Variants in GRM3 observed in about 807,000 individuals in gnomAD.
The protein encoded by GRM3 is metabotropic glutamate receptor 3.
A neutral mutation model predicts 70.5 loss-of-function variants in GRM3; 26 were observed. The observed-to-expected ratio is 0.37, with a 90% CI of 0.27 to 0.51. GRM3 has a LOEUF of 0.51. Ranked by LOEUF, GRM3 falls within the 20% of genes least tolerant of loss-of-function variation. The pLI is 0.93. For missense variants in GRM3, 859 were observed against 1,123.8 expected, an observed-to-expected ratio of 0.76 and a Z score of 3.37; for synonymous variants, 443 against 434.9, an observed-to-expected ratio of 1.02 and a Z score of -0.23.
chr7:86,747,733 T>G (rs1399097635), intron 1 of GRM3, among the ~76,000 whole-genome samples: 1 of 152,106 alleles, frequency 6.6e-6, no homozygotes, highest in Admixed American at 6.6e-5. Flanking sequence ...ACCAACAGAG[T>G]AAATGTAACT....
At chr7:86,843,844 A>G (rs1798604058) in intron 4 of GRM3, among the ~76,000 whole-genome samples, 1 of 152,174 alleles carries the variant, frequency 6.6e-6, no homozygotes, top group Non-Finnish European at 1.5e-5. Context: ...GAATGCTGTA[A>G]TGAGATTTTT....
chr7:86,749,383 C>T (rs759342056), intron 1 of GRM3, among the ~76,000 whole-genome samples: 2 of 152,042 alleles, frequency 1.3e-5, no homozygotes, highest in Non-Finnish European at 2.9e-5. Context: ...ATTTTGGCTA[C>T]ATTTCGCAGG....
chr7:86,794,402 A>G (rs1160388431), intron 3 of GRM3, among the ~76,000 whole-genome samples: 1 of 152,216 alleles, frequency 6.6e-6, no homozygotes, highest in Non-Finnish European at 1.5e-5. Flanking sequence ...ACTTCAAACA[A>G]TTATACTGTT....
intron 4 of GRM3, among the ~76,000 whole-genome samples, chr7:86,847,993 CA>C (rs1798688119): frequency 6.6e-6 from 1 of 152,142 alleles, no homozygotes; most frequent in East Asian, 1.9e-4. Context: ...CAAGGGTAAT[CA>C]TCCCCCACCT....
chr7:86,852,609 T>A (rs528742831), intron 5 of GRM3, among the ~76,000 whole-genome samples: 38 of 152,172 alleles, frequency 2.5e-4, no homozygotes, highest in African/African-American at 7.7e-4. Context: ...AACTTTTTTT[T>A]AAAAAAGGTC....
rs562433710 is a variant in GRM3, at chr7:86,711,223, T to C, written c.-140-53783T>C. 3.3e-5 allele frequency among the ~76,000 whole-genome samples: 5 copies of C among 152,014 alleles called. No individual in the cohort carries two copies. In the East Asian group the frequency reaches 9.7e-4, roughly 29 times the overall value. ...ATTATACTTTAAGTTTTAGGGTACA[T>C]TTGTGATAGAACAGTTGCCTGTAAA... is the stretch of plus-strand genomic sequence containing the variant. On this transcript the variant is annotated intron_variant, in intron 1 of 5. Coordinates refer to ENST00000361669, the MANE Select transcript of GRM3 (RefSeq NM_000840.3).
At chr7:86,738,325 A>C (rs1320775615) in intron 1 of GRM3, among the ~76,000 whole-genome samples, 1 of 152,204 alleles carries the variant, frequency 6.6e-6, no homozygotes, top group Non-Finnish European at 1.5e-5. Context: ...CTTTTGAACA[A>C]AGTCAAGGAG....
In GRM3 at chr7:86,678,566, G is replaced by A. The variant is rs562891470; in HGVS notation, c.-141+33694G>A. ...ATGATTTTATGTCTCTAAGCCCAAGGGATTTATATGCTAGTGTTTGGAAGG... is the reference window on the plus strand; with the variant it reads ...ATGATTTTATGTCTCTAAGCCCAAGAGATTTATATGCTAGTGTTTGGAAGG... On this transcript the variant is annotated intron_variant, in intron 1 of 5. Transcript: ENST00000361669. 4.2e-4 allele frequency among the ~76,000 whole-genome samples: 64 copies of A among 151,960 alleles called. No homozygotes were observed. In the South Asian group the frequency reaches 7.5e-3, roughly 18 times the overall value.
At chr7:86,754,965 C>T (rs957115466) in intron 1 of GRM3, among the ~76,000 whole-genome samples, 2 of 152,208 alleles carry the variant, frequency 1.3e-5, no homozygotes. Context: ...TTAAGCCACT[C>T]TACCAGAGAG....
chr7:86,726,968 G>A (rs779609235), intron 1 of GRM3, among the ~76,000 whole-genome samples: 9 of 152,162 alleles, frequency 5.9e-5, no homozygotes, highest in African/African-American at 9.7e-5. Context: ...AAAGACCCAA[G>A]TGGGAATCAA....
chr7:86,757,537 C>A (rs1405145287), intron 1 of GRM3, among the ~76,000 whole-genome samples: 2 of 152,178 alleles, frequency 1.3e-5, no homozygotes, highest in South Asian at 2.1e-4. Context: ...AACTCTAATA[C>A]CTCTCGGATA....
At chr7:86,697,258 G>C (rs1418522056) in intron 1 of GRM3, among the ~76,000 whole-genome samples, 1 of 150,778 alleles carries the variant, frequency 6.6e-6, no homozygotes, top group Non-Finnish European at 1.5e-5. Context: ...AGGAAGAGAA[G>C]TAAGGACAAT....
At chr7:86,692,044 CAT>C (rs1235526415) in intron 1 of GRM3, among the ~76,000 whole-genome samples, 1 of 152,134 alleles carries the variant, frequency 6.6e-6, no homozygotes. Context: ...TACAAGTTAA[CAT>C]GTGATTTCAC....
chr7:86,715,662 G>T (rs1370031429), intron 1 of GRM3, among the ~76,000 whole-genome samples: 5 of 151,948 alleles, frequency 3.3e-5, no homozygotes, highest in African/African-American at 4.8e-5. Flanking sequence ...GCTCTAGATA[G>T]TGGACTCTAA....
At chr7:86,659,756 A>G (rs933940315) in intron 1 of GRM3, among the ~76,000 whole-genome samples, 1 of 152,012 alleles carries the variant, frequency 6.6e-6, no homozygotes, top group African/African-American at 2.4e-5. Flanking sequence ...CTCTCATTTC[A>G]ATAGCTGGAA....
At chr7:86,691,385 A>C (rs1261926112) in intron 1 of GRM3, among the ~76,000 whole-genome samples, 1 of 152,146 alleles carries the variant, frequency 6.6e-6, no homozygotes, top group African/African-American at 2.4e-5. Context: ...ATAATTTCCT[A>C]AATGCTAAAA....
rs540789083 is a variant in GRM3, at chr7:86,746,673, G to A, written c.-140-18333G>A. On this transcript the variant is annotated intron_variant, in intron 1 of 5. Coordinates refer to ENST00000361669, the MANE Select transcript of GRM3 (RefSeq NM_000840.3). Reference sequence around the variant, plus strand: ...GCATAAATTCCTAGCCCGATGCATTGCTAATGCCAAAATTCAAGAAAGCTG... The same window carrying A: ...GCATAAATTCCTAGCCCGATGCATTACTAATGCCAAAATTCAAGAAAGCTG... Among the ~76,000 whole-genome samples, 5 of 152,038 alleles carry A rather than the reference G, an allele frequency of 3.3e-5. No homozygotes were observed. In the East Asian group the frequency reaches 9.7e-4, roughly 30 times the overall value.
intron 4 of GRM3, among the ~76,000 whole-genome samples, chr7:86,849,434 A>T (rs1584278981): frequency 8.1e-6 from 1 of 124,118 alleles, no homozygotes; most frequent in African/African-American, 4.1e-5. Flanking sequence ...AATTTTTTTT[A>T]AAAATCAAAA....
At position 86,798,876 on chromosome 7, in the gene GRM3, T is replaced by C. The variant is rs552067508; in HGVS notation, c.1324+11760T>C. On this transcript the variant is annotated intron_variant, in intron 3 of 5. Coordinates refer to ENST00000361669, the MANE Select transcript of GRM3 (RefSeq NM_000840.3). ...GGTTTTATAAAGGAGAGTTCCCCTC[T>C]TCTTGCCTGACACCACGTTTATGTG... Among the ~76,000 whole-genome samples, 4 of 82,834 alleles carry C rather than the reference T, an allele frequency of 4.8e-5. No individual in the cohort carries two copies. The South Asian group carries it at 1.4e-3, about 29-fold the overall frequency. The allele number at this position is 82,834 out of a possible 152,430, so 54.3% of individuals were successfully genotyped here. A position where few individuals can be genotyped will look rare whatever the true frequency, so the allele number is the denominator to read the frequency against.
Sources: allele counts gnomAD v4.1 joint callset (sites outside exome capture counted in the v4.1 genomes callset), GRCh38; gene constraint gnomAD v4.1.1; transcripts MANE v1.5; gene names NCBI Gene and HGNC (gene_info 2026-07-23, HGNC 2026-07-21).